DOCK7: variants seen among roughly 807,000 people sequenced by gnomAD.
The protein encoded by DOCK7 is dedicator of cytokinesis protein 7.
DOCK7 carries 138 observed loss-of-function variants against 271.0 expected under a neutral mutation model. That is an observed-to-expected ratio of 0.51 (90% CI 0.44 to 0.59). DOCK7 has a LOEUF of 0.59. Among genes scored for constraint, DOCK7 ranks in the 20% least tolerant of loss-of-function variants. DOCK7 has a pLI of 0.00. For missense variants in DOCK7, 2,066 were observed against 2,592.4 expected (o/e 0.80, Z 4.41); for synonymous variants, 823 against 876.1 (o/e 0.94, Z 1.07).
intron 36 of DOCK7, 87 bp downstream of exon 36, chr1:62,505,595 A>G: frequency 1.4e-6 from 2 of 1,403,582 alleles, no homozygotes; most frequent in South Asian, 2.9e-5. Context: ...TACTACATAT[A>G]TTAACCAATG....
intron 1 of DOCK7, among the ~76,000 whole-genome samples, chr1:62,665,335 T>G (rs1371792026): frequency 6.6e-6 from 1 of 152,122 alleles, no homozygotes; most frequent in Non-Finnish European, 1.5e-5. Context: ...TATTCATTAT[T>G]ATGTTTAGCT....
intron 11 of DOCK7, chr1:62,627,693 T>C (rs1372627425): frequency 6.6e-6 from 1 of 152,082 alleles, no homozygotes; most frequent in African/African-American, 2.4e-5. Context: ...AGAGAAGGAC[T>C]TGTACACTGA....
intron 46 of DOCK7, 58 bp downstream of exon 46, chr1:62,475,649 G>A: frequency 6.8e-7 from 1 of 1,471,806 alleles, no homozygotes; most frequent in Non-Finnish European, 9.5e-7. Flanking sequence ...CTGAGTTGTT[G>A]TTACATGGCT....
At chr1:62,601,774 C>T in intron 14 of DOCK7, 1 of 1,603,058 alleles carries the variant, frequency 6.2e-7, no homozygotes, top group Non-Finnish European at 8.5e-7. Context: ...TCTAGGCATT[C>T]CTGCTGAATG....
chr1:62,679,995 T>C (rs1660934854), intron 1 of DOCK7, among the ~76,000 whole-genome samples: 2 of 152,152 alleles, frequency 1.3e-5, no homozygotes, highest in African/African-American at 2.4e-5. Context: ...GCCATCCCCA[T>C]CAAGCTACCA....
chr1:62,505,495 C>A (rs1208017138), intron 36 of DOCK7, among the ~76,000 whole-genome samples, 187 bp downstream of exon 36: 1 of 152,020 alleles, frequency 6.6e-6, no homozygotes. Context: ...ATGAAAAATT[C>A]TAAAAGGCAG....
intron 22 of DOCK7, among the ~76,000 whole-genome samples, chr1:62,550,024 G>T (rs964791142): frequency 6.6e-6 from 1 of 152,124 alleles, no homozygotes; most frequent in Non-Finnish European, 1.5e-5. Context: ...TGGGTGAATG[G>T]TATGCCATTG....
intron 42 of DOCK7, chr1:62,488,601 G>A: frequency 8.3e-6 from 2 of 241,204 alleles, no homozygotes; most frequent in South Asian, 1.0e-4. Flanking sequence ...CACAGCAAAG[G>A]AATAGGTATC....
At chr1:62,525,569 G>T (rs1290067872) in intron 31 of DOCK7, among the ~76,000 whole-genome samples, 2 of 152,208 alleles carry the variant, frequency 1.3e-5, no homozygotes, top group Non-Finnish European at 2.9e-5. Flanking sequence ...TAATACAATT[G>T]AGAACAATGG....
intron 14 of DOCK7, among the ~76,000 whole-genome samples, chr1:62,593,208 T>C (rs1459058967): frequency 6.6e-6 from 1 of 152,194 alleles, no homozygotes; most frequent in Admixed American, 6.5e-5. Context: ...AAAATGTTAA[T>C]AGAGTCGAGA....
rs1256923162 is a variant in DOCK7, at chr1:62,648,153, A to C, written c.685T>G (p.Ser229Ala). ...GCAAAAAGTTCTTTGTGACGGTTTG[A>C]TTTCCTTTGGTCATCATTCTGACGG... ...IDRQNDDQRK[S>A]NRHKELFALH... Residue 229 changes from serine (S) to alanine (A), a missense_variant, in exon 6 of 50, where the codon TCA becomes GCA. By Grantham distance (99) the Ser-to-Ala change is moderately conservative. Around this residue, in one of 2 missense-constraint regions of DOCK7, gnomAD observed 1,414 missense variants for 1,670.4 expected, o/e 0.85. Transcript: ENST00000635253. 1 of 1,613,318 alleles carries C rather than the reference A, an allele frequency of 6.2e-7. No homozygotes were observed. Among genetic ancestry groups the C allele is most frequent in the African/African-American group, 1.3e-5 (1 of 74,846 alleles).
At position 62,597,407 on chromosome 1, in the gene DOCK7, T is replaced by C. The variant is rs1219782168; in HGVS notation, c.1683-10783A>G. Reference sequence around the variant, plus strand: ...TGATCTAACTCAATGTGGAAGAAGGTTACATTCGTGCAAGTTAACACGGCT... The same window carrying C: ...TGATCTAACTCAATGTGGAAGAAGGCTACATTCGTGCAAGTTAACACGGCT... On this transcript the variant is annotated intron_variant, in intron 14 of 49. Coordinates refer to ENST00000635253, the MANE Select transcript of DOCK7 (RefSeq NM_001367561.1). 5.8e-6 allele frequency: 4 copies of C among 684,278 alleles called. No individual in the cohort carries two copies. In the African/African-American group the frequency reaches 7.3e-5, roughly 12 times the overall value. The allele number at this position is 684,278 out of a possible 1,614,324, so 42.4% of individuals were successfully genotyped here.
At chr1:62,601,087 A>T in intron 14 of DOCK7, 1 of 1,570,884 alleles carries the variant, frequency 6.4e-7, no homozygotes, top group Non-Finnish European at 8.8e-7. Flanking sequence ...ATCAGCTCAG[A>T]AGGACTAGTA....
At chr1:62,557,958 CT>C (rs1646200489) in intron 20 of DOCK7, among the ~76,000 whole-genome samples, 1 of 152,010 alleles carries the variant, frequency 6.6e-6, no homozygotes, top group South Asian at 2.1e-4. Context: ...GGTTTTCCCA[CT>C]TTTAAGTCAT....
At chr1:62,548,268 G>A (rs563894601) in intron 22 of DOCK7, among the ~76,000 whole-genome samples, 1 of 151,766 alleles carries the variant, frequency 6.6e-6, no homozygotes, top group Admixed American at 6.6e-5. Flanking sequence ...TGAGGACACA[G>A]CCACTGGTTA....
At chr1:62,643,432 C>A (rs1337612300) in intron 7 of DOCK7, among the ~76,000 whole-genome samples, 2 of 152,202 alleles carry the variant, frequency 1.3e-5, no homozygotes, top group Non-Finnish European at 1.5e-5. Context: ...CTTAACAACA[C>A]TGAAGATAAC....
chr1:62,539,766 A>C lies in DOCK7; in HGVS notation c.3172T>G (p.Ser1058Ala), dbSNP rs1430899085. The C allele has an allele frequency of 1.2e-6, 2 of 1,612,942 alleles. No homozygotes were observed. The highest frequency in any genetic ancestry group is 1.7e-5 in the Admixed American group (1 of 59,804). Residue 1058 changes from serine to alanine, a missense_variant, in exon 26 of 50, where the codon TCA (serine) becomes GCA (alanine). Physicochemically the swap from Ser to Ala is moderately conservative, Grantham distance 99. Coordinates refer to ENST00000635253, the MANE Select transcript of DOCK7 (RefSeq NM_001367561.1). ...GTTATCATTACCTTCTGAAATCGTGAAACTATATCACTAGCAATCGTGCTG... is the reference window on the plus strand; with the variant it reads ...GTTATCATTACCTTCTGAAATCGTGCAACTATATCACTAGCAATCGTGCTG... ...LVSTIASDIV[S>A]RFQKDTEMVE...
intron 2 of DOCK7, among the ~76,000 whole-genome samples, chr1:62,661,008 A>T (rs1658598425): frequency 6.6e-6 from 1 of 151,904 alleles, no homozygotes; most frequent in Admixed American, 6.6e-5. Context: ...CTGATATGGG[A>T]GGATCACTTG....
At chr1:62,657,221 A>C (rs1366226676) in intron 2 of DOCK7, among the ~76,000 whole-genome samples, 4 of 152,178 alleles carry the variant, frequency 2.6e-5, no homozygotes, top group Non-Finnish European at 4.4e-5. Context: ...TGTGAGGAAC[A>C]GTAAGGAGCA....
Sources: allele counts gnomAD v4.1 joint callset (sites outside exome capture counted in the v4.1 genomes callset), GRCh38; gene constraint gnomAD v4.1.1; regional missense constraint gnomAD v4.1.1; transcripts MANE v1.5; gene names NCBI Gene and HGNC (gene_info 2026-07-23, HGNC 2026-07-21).